Variants in GRIP1 observed in about 807,000 individuals in gnomAD.
The protein encoded by GRIP1 is glutamate receptor interacting protein 1.
Under a neutral mutation model 129.9 loss-of-function variants are expected in GRIP1, and 45 were observed. That is an observed-to-expected ratio of 0.35 (90% confidence interval 0.27 to 0.44). The LOEUF (loss-of-function observed/expected upper bound fraction) is 0.44. Ranked by LOEUF, GRIP1 falls within the 20% of genes least tolerant of loss-of-function variation. The pLI is 1.00. For synonymous variants in GRIP1, 530 were observed against 520.8 expected (o/e 1.02, Z -0.24); for missense variants, 1,196 against 1,396.8 (o/e 0.86, Z 2.29).
rs565351772 is a variant in GRIP1, at chr12:66,697,419, A to T, written c.-419-67083T>A. 4.6e-5 allele frequency among the ~76,000 whole-genome samples: 7 copies of T among 152,174 alleles called. No individual in the cohort carries two copies. The South Asian group carries it at 8.3e-4, about 18-fold the overall frequency. Reference sequence around the variant, plus strand: ...TAATTATTATGAGCTTCTTGCAGAAACACAGCTGTTACACCTTTAAACAAA... The same window carrying T: ...TAATTATTATGAGCTTCTTGCAGAATCACAGCTGTTACACCTTTAAACAAA... On this transcript the variant is annotated intron_variant, in intron 1 of 4. Transcript: ENST00000538373.
intron 1 of GRIP1, among the ~76,000 whole-genome samples, chr12:66,750,791 TAG>T (rs1164714769): frequency 6.6e-6 from 1 of 152,128 alleles, no homozygotes; most frequent in African/African-American, 2.4e-5. Flanking sequence ...CTAACAGCAA[TAG>T]AGTTTCATAA....
chr12:66,689,155 T>G (rs1273077553), intron 1 of GRIP1, among the ~76,000 whole-genome samples: 1 of 152,170 alleles, frequency 6.6e-6, no homozygotes, highest in Non-Finnish European at 1.5e-5. Flanking sequence ...TCGGTCCAGT[T>G]TCCCATCAAA....
rs1427059319 is a variant in GRIP1 at position 66,736,619 on chromosome 12, GT to G, written c.-420+67433del. ...AGCAGGAGGAAAAGAAGGGGTTGAT[GT>G]TGCTATCTCAGGGGTGGCAGAGGTG... On this transcript the variant is annotated intron_variant, in intron 1 of 4. Coordinates refer to the GRIP1 transcript ENST00000538373. 3.8e-3 allele frequency among the ~76,000 whole-genome samples: 577 copies of G among 151,974 alleles called. 3 individuals are homozygous for G. Among genetic ancestry groups the G allele is most frequent in the African/African-American group, 0.013 (557 of 41,426 alleles).
At chr12:66,953,993 C>A (rs2041801278) in intron 1 of GRIP1, among the ~76,000 whole-genome samples, 1 of 152,178 alleles carries the variant, frequency 6.6e-6, no homozygotes, top group South Asian at 2.1e-4. Flanking sequence ...TGCCAAAACC[C>A]ATCTTGTTTG....
At chr12:66,418,757 G>A (rs970940308) in intron 15 of GRIP1, among the ~76,000 whole-genome samples, 1 of 152,076 alleles carries the variant, frequency 6.6e-6, no homozygotes, top group African/African-American at 2.4e-5. Context: ...CATCTGACCC[G>A]AGTTAAAATG....
In GRIP1 at chr12:66,942,295, T is replaced by C. The variant is rs928046769; in HGVS notation, c.58+126755A>G. ...TTCAATTTTTCTGTTCTTATTTTTT[T>C]TTTCCTGGCTGCCCAGTGTCTTCAC... On this transcript the variant is annotated intron_variant, in intron 1 of 1. Transcript: ENST00000643019. Among the ~76,000 whole-genome samples, 51 of 152,174 alleles carry C rather than the reference T, an allele frequency of 3.4e-4. 1 individual carries two copies. The highest frequency in any genetic ancestry group is 5.1e-4 in the Non-Finnish European group (35 of 67,982).
At chr12:66,856,471 C>T (rs940922854) in intron 1 of GRIP1, among the ~76,000 whole-genome samples, 1 of 152,100 alleles carries the variant, frequency 6.6e-6, no homozygotes, top group Non-Finnish European at 1.5e-5. Flanking sequence ...GCAATCTACT[C>T]ATCTGACAAA....
chr12:66,642,291 GGAACTCCAGCTA>G (rs1442644919), intron 1 of GRIP1, among the ~76,000 whole-genome samples: 1 of 98,620 alleles, frequency 1.0e-5, no homozygotes, highest in Admixed American at 8.9e-5. Flanking sequence ...CCAGCAAGAG[GGAACTCCAGCTA>G]GAACTCCAGC....
At chr12:66,780,703 G>C (rs2038129998) in intron 1 of GRIP1, among the ~76,000 whole-genome samples, 1 of 152,118 alleles carries the variant, frequency 6.6e-6, no homozygotes, top group Non-Finnish European at 1.5e-5. Flanking sequence ...GCTGAATTTT[G>C]GGACTTGATC....
chr12:66,827,392 G>GAGAGAGAA (rs2039436727), intron 1 of GRIP1, among the ~76,000 whole-genome samples: 1 of 84,508 alleles, frequency 1.2e-5, no homozygotes, highest in Non-Finnish European at 2.9e-5. Context: ...GTGTGTGAGA[G>GAGAGAGAA]AGAGAGAGAG....
intron 1 of GRIP1, among the ~76,000 whole-genome samples, chr12:66,720,647 T>A (rs1592775327): frequency 6.6e-6 from 1 of 152,198 alleles, no homozygotes; most frequent in African/African-American, 2.4e-5. Flanking sequence ...TAGGAGTAGA[T>A]TCCATCTCAA....
At chr12:67,020,721 A>AT (rs1242275836) in intron 1 of GRIP1, among the ~76,000 whole-genome samples, 1 of 152,184 alleles carries the variant, frequency 6.6e-6, no homozygotes, top group East Asian at 1.9e-4. Context: ...GAGTAAGCCC[A>AT]TATTATTGAT....
chr12:66,993,546 T>A (rs1330039541), intron 1 of GRIP1, among the ~76,000 whole-genome samples: 11 of 151,936 alleles, frequency 7.2e-5, no homozygotes, highest in Non-Finnish European at 1.2e-4. Context: ...ATCCCAGCAC[T>A]TTAGGAGGCC....
At chr12:66,960,426 CAT>C (rs2041906042) in intron 1 of GRIP1, among the ~76,000 whole-genome samples, 1 of 152,080 alleles carries the variant, frequency 6.6e-6, no homozygotes, top group African/African-American at 2.4e-5. Flanking sequence ...CTTATTAAGA[CAT>C]AGGAAACATC....
intron 1 of GRIP1, among the ~76,000 whole-genome samples, chr12:66,631,603 TTCTC>T (rs1026972189): frequency 6.9e-6 from 1 of 144,322 alleles, no homozygotes; most frequent in Non-Finnish European, 1.5e-5. Context: ...GATGCGAGAT[TTCTC>T]TCTTTCTCTC....
At chr12:66,901,036 C>T (rs1323210891) in intron 1 of GRIP1, among the ~76,000 whole-genome samples, 2 of 152,132 alleles carry the variant, frequency 1.3e-5, no homozygotes, top group African/African-American at 4.8e-5. Flanking sequence ...GAAAATGAAC[C>T]AGAATATTTA....
In GRIP1 at chr12:66,445,393, A is replaced by T. The variant is rs1376574866; in HGVS notation, c.1470T>A (p.Ser490Arg). 6.2e-7 allele frequency: 1 copy of T among 1,614,200 alleles called. No individual in the cohort carries two copies. Among genetic ancestry groups the T allele is most frequent in the African/African-American group, 1.3e-5 (1 of 75,056 alleles). ...AAGAGAGAGTTTCTGTGGCAAACAC[A>T]CTGCCCTGCAGTTGGATCCCAAATC... The part of the protein sequence containing the change: ...VTGFGIQLQG[S>R]VFATETLSSP... Residue 490 changes from serine (S) to arginine (R), a missense_variant, in exon 12 of 25, where the codon AGT (serine) becomes AGA (arginine). Coordinates refer to ENST00000359742, the MANE Select transcript of GRIP1 (RefSeq NM_001366722.1).
intron 1 of GRIP1, among the ~76,000 whole-genome samples, chr12:66,934,212 C>T (rs2041446964): frequency 6.6e-6 from 1 of 152,314 alleles, no homozygotes; most frequent in African/African-American, 2.4e-5. Context: ...TTCTCAAGCA[C>T]ATCATGCAAC....
At chr12:66,533,594 G>A (rs1167308264) in intron 4 of GRIP1, among the ~76,000 whole-genome samples, 9 of 152,052 alleles carry the variant, frequency 5.9e-5, no homozygotes, top group African/African-American at 1.7e-4. Context: ...GCAGTGAGCC[G>A]AGATTGTGCC....
Sources: allele counts gnomAD v4.1 joint callset (sites outside exome capture counted in the v4.1 genomes callset), GRCh38; gene constraint gnomAD v4.1.1; transcripts MANE v1.5; gene names NCBI Gene and HGNC (gene_info 2026-07-23, HGNC 2026-07-21).